Variants in UNC13A observed in about 807,000 individuals in gnomAD.
UNC13A encodes the protein protein unc-13 homolog A.
Under a neutral mutation model 219.7 loss-of-function variants are expected in UNC13A, and 61 were observed. That is an observed-to-expected ratio of 0.28 (90% CI 0.23 to 0.34). The LOEUF (loss-of-function observed/expected upper bound fraction) is 0.34, where lower values mean the gene tolerates loss of function less well. UNC13A is among the 10% of genes least tolerant of loss of function. The probability of loss-of-function intolerance (pLI) is 1.00; values close to 1 mark genes in which losing one functional copy is unlikely to be tolerated. For synonymous variants in UNC13A, 920 were observed against 884.6 expected, an observed-to-expected ratio of 1.04 and a Z score of -0.71; for missense variants, 1,476 against 2,270.3, an observed-to-expected ratio of 0.65 and a Z score of 7.11.
chr19:17,622,569 TGAAATCTTG>T (rs1274481306), intron 36 of UNC13A: 1 of 152,870 alleles, frequency 6.5e-6, no homozygotes, highest in Non-Finnish European at 1.5e-5. Flanking sequence ...TTTAACAAAG[TGAAATCTTG>T]TAACAGCCTT....
intron 7 of UNC13A, among the ~76,000 whole-genome samples, chr19:17,666,392 T>C (rs1201245072): frequency 1.3e-5 from 2 of 152,000 alleles, no homozygotes; most frequent in Non-Finnish European, 1.5e-5. Flanking sequence ...TTTTTGTATT[T>C]ATAGTAGAGA....
intron 7 of UNC13A, 142 bp from the exon 8 acceptor site, chr19:17,663,709 T>C (rs2079592682): frequency 1.3e-6 from 1 of 768,216 alleles, no homozygotes; most frequent in African/African-American, 1.7e-5. Context: ...CTTCCCTGAG[T>C]ATCACCTTCA....
intron 2 of UNC13A, 63 bp downstream of exon 2, chr19:17,675,947 GTC>G (rs1403264417): frequency 1.6e-5 from 25 of 1,540,408 alleles, no homozygotes; most frequent in Middle Eastern, 2.0e-4. Context: ...CCCCCTCCCA[GTC>G]TCTCCAAGAG....
At chr19:17,680,889 CTTTTTTTTTTT>C (rs375785182) in intron 1 of UNC13A, among the ~76,000 whole-genome samples, 4 of 48,698 alleles carry the variant, frequency 8.2e-5, no homozygotes, top group African/African-American at 1.8e-4. Flanking sequence ...CTTTTCTTTT[CTTTTTTTTTTT>C]TTTTTTTTTT....
intron 6 of UNC13A, among the ~76,000 whole-genome samples, chr19:17,667,175 C>CG (rs2079670660): frequency 6.6e-6 from 1 of 151,354 alleles, no homozygotes; most frequent in Admixed American, 6.6e-5. Context: ...CACTTGAACC[C>CG]GGGAGGTGGA....
At chr19:17,615,574 G>T (rs947339119) in intron 41 of UNC13A, among the ~76,000 whole-genome samples, 3 of 152,088 alleles carry the variant, frequency 2.0e-5, no homozygotes, top group African/African-American at 7.2e-5. Context: ...AGCTACTCAG[G>T]AGGCTGAGGC....
At position 17,601,448 on chromosome 19, in the gene UNC13A, C is replaced by T. The variant is rs1351755969; in HGVS notation, c.*4606G>A. ...ACACCATGCATTCATGACCACTTCT[C>T]GTTTGTGTTAAACATTTGTTCCAAG... is the stretch of plus-strand genomic sequence containing the variant. On this transcript the variant is annotated 3_prime_UTR_variant, in exon 44 of 44. Coordinates refer to ENST00000519716, the MANE Select transcript of UNC13A (RefSeq NM_001080421.3). 1 of 152,572 alleles carries T rather than the reference C, an allele frequency of 6.6e-6. No individual in the cohort carries two copies. Among genetic ancestry groups the T allele is most frequent in the Non-Finnish European group, 1.5e-5 (1 of 68,052 alleles). 9.5% of individuals were successfully genotyped at this position (152,572 alleles called of 1,614,324 possible).
chr19:17,659,704 G>A (rs2079519320), intron 8 of UNC13A, among the ~76,000 whole-genome samples: 2 of 152,146 alleles, frequency 1.3e-5, no homozygotes, highest in Admixed American at 6.6e-5. Flanking sequence ...AGGAGGTCGA[G>A]GTAGCAGTGA....
chr19:17,648,867 G>A, intron 15 of UNC13A, 45 bp downstream of exon 15: 2 of 1,556,148 alleles, frequency 1.3e-6, no homozygotes, highest in Non-Finnish European at 1.7e-6. Flanking sequence ...GAAGCTCCTA[G>A]CCCAGTCCAT....
In UNC13A at chr19:17,605,941, C is replaced by G. The variant is rs1568493870; in HGVS notation, c.*113G>C. On this transcript the variant is annotated 3_prime_UTR_variant, in exon 44 of 44. Coordinates refer to ENST00000519716, the MANE Select transcript of UNC13A (RefSeq NM_001080421.3). ...GGGCGTAGGCGCAGCCCACCCTTGG[C>G]GTGGAGCCCCCCGAGCCCCGCCCCT... 4 of 1,015,808 alleles carry G rather than the reference C, an allele frequency of 3.9e-6. No homozygotes were observed. Among genetic ancestry groups the G allele is most frequent in the South Asian group, 4.6e-5 (2 of 43,640 alleles). The allele number at this position is 1,015,808 out of a possible 1,614,324, so 62.9% of individuals were successfully genotyped here.
In UNC13A at chr19:17,601,555, A is replaced by G. The variant is rs2076464188; in HGVS notation, c.*4499T>C. On this transcript the variant is annotated 3_prime_UTR_variant, in exon 44 of 44. Transcript: ENST00000519716. ...AATCAAAACAAAACAAAAAACAAAC[A>G]ACGTTTTGATTTCACATCTGCAATC... is the stretch of plus-strand genomic sequence containing the variant. 1 of 152,432 alleles carries G rather than the reference A, an allele frequency of 6.6e-6. No individual in the cohort carries two copies. The highest frequency in any genetic ancestry group is 2.1e-4 in the South Asian group (1 of 4,830). The allele number at this position is 152,432 out of a possible 1,614,324, so 9.4% of individuals were successfully genotyped here. A position where few individuals can be genotyped will look rare whatever the true frequency, so the allele number is the denominator to read the frequency against.
In UNC13A at chr19:17,645,010, T is replaced by TA. The variant is rs1429251916; in HGVS notation, c.2356+663_2356+664insT. Among the ~76,000 whole-genome samples the TA allele has an allele frequency of 7.2e-3, 272 of 37,554 alleles. 1 individual carries two copies. In the African/African-American group the frequency reaches 0.078, roughly 11 times the overall value. The allele number at this position is 37,554 out of a possible 152,430, so 24.6% of individuals were successfully genotyped here. A position where few individuals can be genotyped will look rare whatever the true frequency, so the allele number is the denominator to read the frequency against. On this transcript the variant is annotated intron_variant, in intron 19 of 43. Coordinates refer to ENST00000519716, the MANE Select transcript of UNC13A (RefSeq NM_001080421.3). ...TGCCCGGCGCCCCCAGCCTGGATTC[T>TA]TTTTTTTTTTTTTTTGAGTGGGAGT...
intron 41 of UNC13A, 69 bp from the exon 42 acceptor site, chr19:17,611,924 C>A: frequency 1.5e-6 from 2 of 1,377,304 alleles, no homozygotes; most frequent in Non-Finnish European, 1.0e-6. Flanking sequence ...GGGACCTTGA[C>A]GGCCTCCCAC....
At chr19:17,677,572 G>A (rs1273803782) in intron 1 of UNC13A, among the ~76,000 whole-genome samples, 2 of 152,002 alleles carry the variant, frequency 1.3e-5, no homozygotes, top group Non-Finnish European at 1.5e-5. Context: ...AGTATATGTC[G>A]GCCAGGCTGG....
In UNC13A at chr19:17,609,349, C is replaced by A. The variant is rs2076577001; in HGVS notation, c.4811+591G>T. On this transcript the variant is annotated intron_variant, in intron 43 of 43. Transcript: ENST00000519716. ...GATACCCGCAGCCTAGGCCCACTCC[C>A]AACTCCAAGAACCTCCATCCAATGT... Among the ~76,000 whole-genome samples, 3 of 152,010 alleles carry A rather than the reference C, an allele frequency of 2.0e-5. No homozygotes were observed. The South Asian group carries it at 6.2e-4, about 32-fold the overall frequency.
chr19:17,611,659 G>C lies in UNC13A; in HGVS notation c.4651+104C>G, dbSNP rs2076604898. On this transcript the variant is annotated intron_variant, in intron 42 of 43. Coordinates refer to ENST00000519716, the MANE Select transcript of UNC13A (RefSeq NM_001080421.3). ...CCACCTTTGGACGTTTCCGTTTCAT[G>C]GACCATTAAACAACAACAACAAAAA... 4 of 1,054,224 alleles carry C rather than the reference G, an allele frequency of 3.8e-6. No individual in the cohort carries two copies. In the South Asian group the frequency reaches 4.6e-5, roughly 12 times the overall value. 65.3% of individuals were successfully genotyped at this position (1,054,224 alleles called of 1,614,324 possible). A position where few individuals can be genotyped will look rare whatever the true frequency, so the allele number is the denominator to read the frequency against.
intron 29 of UNC13A, 43 bp downstream of exon 29, chr19:17,630,611 C>T: frequency 6.2e-7 from 1 of 1,603,914 alleles, no homozygotes; most frequent in South Asian, 1.1e-5. Context: ...AAATTGACCC[C>T]AGTGGGAAGA....
In UNC13A at chr19:17,656,135, A is replaced by G. The variant is rs200561053; in HGVS notation, c.1031T>C (p.Leu344Pro). 1.9e-3 allele frequency: 2,988 copies of G among 1,551,594 alleles called. 4 individuals are homozygous for G. The highest frequency in any genetic ancestry group is 2.4e-3 in the Non-Finnish European group (2,728 of 1,146,878). The change falls in exon 10 of 44, where the codon CTG becomes CCG. Residue 344 changes from leucine (L) to proline (P), a missense_variant. Transcript: ENST00000519716. ...EEELPEDEEE[L>P]EEEEEEVPDD... ...AGGCACCTCCTCCTCCTCCTCCTCC[A>G]GCTCCTCCTCATCTTCAGGCAGCTC...
intron 1 of UNC13A, among the ~76,000 whole-genome samples, chr19:17,678,631 G>A (rs2079946593): frequency 6.6e-6 from 1 of 151,906 alleles, no homozygotes; most frequent in Admixed American, 6.6e-5. Context: ...CAGCCCCCAG[G>A]GAGCGCACCC....
Sources: allele counts gnomAD v4.1 joint callset (sites outside exome capture counted in the v4.1 genomes callset), GRCh38; gene constraint gnomAD v4.1.1; transcripts MANE v1.5; gene names NCBI Gene and HGNC (gene_info 2026-07-23, HGNC 2026-07-21).